The following U2AF2 variants were observed in gnomAD, a reference collection of about 807,000 sequenced individuals.
U2AF2 encodes splicing factor U2AF 65 kDa subunit.
Under a neutral mutation model 52.6 loss-of-function variants are expected in U2AF2, and 6 were observed. The observed-to-expected ratio is 0.11, with a 90% CI of 0.06 to 0.23. The LOEUF (loss-of-function observed/expected upper bound fraction) is 0.23. Among genes scored for constraint, U2AF2 ranks in the 10% least tolerant of loss-of-function variants. The pLI, the probability that U2AF2 is intolerant of heterozygous loss-of-function variation, is 1.00. For synonymous variants in U2AF2, 284 were observed against 258.2 expected (o/e 1.10, Z -0.96); for missense variants, 222 against 677.1 (o/e 0.33, Z 7.46).
chr19:55,668,823 T>C lies in U2AF2; in HGVS notation c.945+31T>C, dbSNP rs1467738568. 1 of 1,595,252 alleles carries C rather than the reference T, an allele frequency of 6.3e-7. No homozygotes were observed. Among genetic ancestry groups the C allele is most frequent in the Admixed American group, 1.7e-5 (1 of 59,426 alleles). ...TCCCCGGTCGCTGGCCGCTGCCGCG[T>C]CTGTCCTTCCCTGCCCTGCGCTGTT... On this transcript the variant is annotated intron_variant, in intron 9 of 11. Transcript: ENST00000308924. This position sits in a 1 kb window ranked among gnomAD's most constrained non-coding sequence, Gnocchi z 5.5.
Position 55,674,076 on chromosome 19 carries a change from T to TG in U2AF2, c.*13dup. ...CGCCGGGACTTCTGGTAGAGGCGGC[T>TG]GGGGGAGGGTGGGGGCAGGGCTGGC... is the stretch of plus-strand genomic sequence containing the variant. On this transcript the variant is annotated 3_prime_UTR_variant, in exon 12 of 12. Coordinates refer to ENST00000308924, the MANE Select transcript of U2AF2 (RefSeq NM_007279.3). 2 of 714,466 alleles carry TG rather than the reference T, an allele frequency of 2.8e-6. No individual in the cohort carries two copies. Among genetic ancestry groups the TG allele is most frequent in the Non-Finnish European group, 4.5e-6 (2 of 447,990 alleles). The allele number at this position is 714,466 out of a possible 1,614,324, so 44.3% of individuals were successfully genotyped here.
intron 5 of U2AF2, 32 bp from the exon 6 acceptor site, chr19:55,662,470 G>GCC (rs371255874): frequency 4.8e-5 from 12 of 250,200 alleles, no homozygotes; most frequent in African/African-American, 2.7e-4. Flanking sequence ...CCCTTCCCCC[G>GCC]CCCCCCCCCT....
intron 11 of U2AF2, among the ~76,000 whole-genome samples, chr19:55,672,912 G>T (rs1435968049): frequency 6.6e-6 from 1 of 151,506 alleles, no homozygotes; most frequent in South Asian, 2.1e-4. Context: ...CAAAGTACTG[G>T]GATTACAGGC....
Position 55,674,345 on chromosome 19 carries a change from G to C in U2AF2, c.*277G>C. Reference sequence around the variant, plus strand: ...GGGAAGGGGTTGGGATGGGGACAGGGTGCACAGCAGGGCGGGGTAGGACCC... The same window carrying C: ...GGGAAGGGGTTGGGATGGGGACAGGCTGCACAGCAGGGCGGGGTAGGACCC... On this transcript the variant is annotated 3_prime_UTR_variant, in exon 12 of 12. Transcript: ENST00000308924. 1 of 415,492 alleles carries C rather than the reference G, an allele frequency of 2.4e-6. No individual in the cohort carries two copies. Among genetic ancestry groups the C allele is most frequent in the Non-Finnish European group, 4.4e-6 (1 of 227,462 alleles). The allele number at this position is 415,492 out of a possible 1,614,324, so 25.7% of individuals were successfully genotyped here. A position where few individuals can be genotyped will look rare whatever the true frequency, so the allele number is the denominator to read the frequency against.
Position 55,674,341 on chromosome 19 carries a change from CAG to C in U2AF2, c.*274_*275del, listed in dbSNP as rs1985152774. 4.6e-6 allele frequency: 2 copies of C among 433,828 alleles called. No homozygotes were observed. The highest frequency in any genetic ancestry group is 8.4e-6 in the Non-Finnish European group (2 of 238,192). The allele number at this position is 433,828 out of a possible 1,614,324, so 26.9% of individuals were successfully genotyped here. ...CAGAGGGAAGGGGTTGGGATGGGGACAGGGTGCACAGCAGGGCGGGGTAGGAC... is the reference window on the plus strand; with the variant it reads ...CAGAGGGAAGGGGTTGGGATGGGGACGGTGCACAGCAGGGCGGGGTAGGAC... On this transcript the variant is annotated 3_prime_UTR_variant, in exon 12 of 12. Coordinates refer to ENST00000308924, the MANE Select transcript of U2AF2 (RefSeq NM_007279.3).
In U2AF2 at chr19:55,655,083, G is replaced by T; in HGVS notation, c.-22G>T. On this transcript the variant is annotated 5_prime_UTR_variant, in exon 1 of 12. Coordinates refer to ENST00000308924, the MANE Select transcript of U2AF2 (RefSeq NM_007279.3). ...GCAAGGCGAGGCGAAAGCTGCACAG[G>T]GCCCTACGCGGCCGCCTCAGCATGT... 3 of 1,605,890 alleles carry T rather than the reference G, an allele frequency of 1.9e-6. No homozygotes were observed. Among genetic ancestry groups the T allele is most frequent in the Non-Finnish European group, 2.5e-6 (3 of 1,177,414 alleles).
chr19:55,666,772 A>C (rs558771584), intron 7 of U2AF2, among the ~76,000 whole-genome samples: 1 of 152,226 alleles, frequency 6.6e-6, no homozygotes, highest in Non-Finnish European at 1.5e-5. Flanking sequence ...GTGTTGCTCA[A>C]GTGAGACGGG....
Position 55,661,111 on chromosome 19 carries a change from G to T in U2AF2, c.408G>T (p.Pro136=). Residue 136 remains proline (P), a synonymous_variant, in exon 5 of 12, where the codon CCG becomes CCT. Coordinates refer to ENST00000308924, the MANE Select transcript of U2AF2 (RefSeq NM_007279.3). The stretch of plus-strand genomic sequence containing the variant: ...ACGGTCTGGCTGTGACCCCAACGCC[G>T]GTGCCCGTGGTCGGGAGCCAGATGA... The part of the protein sequence containing the change: ...TPDGLAVTPT[P]VPVVGSQMTR... The T allele has an allele frequency of 6.2e-7, 1 of 1,612,408 alleles. No homozygotes were observed. The highest frequency in any genetic ancestry group is 8.5e-7 in the Non-Finnish European group (1 of 1,178,888).
At chr19:55,657,986 C>G (rs1390381096) in intron 1 of U2AF2, among the ~76,000 whole-genome samples, 3 of 152,178 alleles carry the variant, frequency 2.0e-5, no homozygotes, top group Non-Finnish European at 4.4e-5. Flanking sequence ...ATATTTGTTG[C>G]TGTTTTTTTC....
chr19:55,656,825 T>G lies in U2AF2; in HGVS notation c.49+1672T>G, dbSNP rs144215185. Among the ~76,000 whole-genome samples, 352 of 152,342 alleles carry G rather than the reference T, an allele frequency of 2.3e-3. 1 individual carries two copies. Among genetic ancestry groups the G allele is most frequent in the African/African-American group, 8.2e-3 (339 of 41,582 alleles). On this transcript the variant is annotated intron_variant, in intron 1 of 11. Coordinates refer to ENST00000308924, the MANE Select transcript of U2AF2 (RefSeq NM_007279.3). The stretch of plus-strand genomic sequence containing the variant: ...GGCTTTGCGTACACTGGGTGTGCAG[T>G]AAGCGATATTTGCAATTGTAAAATT...
At chr19:55,670,449 C>CCCGTGCACCCTGCTGT (rs1568555215) in intron 11 of U2AF2, among the ~76,000 whole-genome samples, 24 of 11,346 alleles carry the variant, frequency 2.1e-3, no homozygotes, top group African/African-American at 5.1e-3. Context: ...ACCCTGCTGT[C>CCCGTGCACCCTGCTGT]CCGTGCACCC....
intron 4 of U2AF2, 82 bp downstream of exon 4, chr19:55,660,701 C>T (rs1449406701): frequency 8.9e-6 from 12 of 1,353,862 alleles, no homozygotes; most frequent in East Asian, 2.3e-5. Context: ...TGCGTGTGTG[C>T]TTGGAGGGGG....
chr19:55,660,980 G>T, intron 4 of U2AF2, 58 bp from the exon 5 acceptor site: 2 of 1,526,324 alleles, frequency 1.3e-6, no homozygotes, highest in Non-Finnish European at 1.8e-6. Flanking sequence ...GTGTGGTGAG[G>T]GGTGGTCACT....
At chr19:55,666,748 G>A (rs1221552063) in intron 7 of U2AF2, among the ~76,000 whole-genome samples, 1 of 152,202 alleles carries the variant, frequency 6.6e-6, no homozygotes, top group African/African-American at 2.4e-5. Context: ...CCCAACTCTT[G>A]TATCCTTGGC....
At position 55,661,048 on chromosome 19, in the gene U2AF2, G is replaced by A. The variant is rs1167546079; in HGVS notation, c.345G>A (p.Gln115=). Residue 115 remains glutamine (Q), a synonymous_variant, in exon 5 of 12, where the codon CAG becomes CAA. Transcript: ENST00000308924. ...MQYKAMQAAG[Q]IPATALLPTM... is the part of the protein sequence containing the mutation. ...TTATTCCCTTTGAAGCTGCGGGTCA[G>A]ATTCCAGCCACTGCTCTTCTCCCCA... 1 of 1,585,218 alleles carries A rather than the reference G, an allele frequency of 6.3e-7. No homozygotes were observed. The highest frequency in any genetic ancestry group is 2.3e-5 in the East Asian group (1 of 43,634).
chr19:55,674,130 C>G lies in U2AF2; in HGVS notation c.*62C>G, dbSNP rs965299867. On this transcript the variant is annotated 3_prime_UTR_variant, in exon 12 of 12. Transcript: ENST00000308924. ...GGGCTTCTCCCCACTCCCGCCCCCC[C>G]CTTATCCCCCTCTGAAGACGATGGG... is the stretch of plus-strand genomic sequence containing the variant. 5.6e-5 allele frequency: 84 copies of G among 1,504,954 alleles called. No individual in the cohort carries two copies. The highest frequency in any genetic ancestry group is 3.9e-4 in the East Asian group (16 of 41,140). The allele number at this position is 1,504,954 out of a possible 1,614,324, so 93.2% of individuals were successfully genotyped here.
At chr19:55,663,999 CA>C (rs1984384220) in intron 7 of U2AF2, 2 of 470,592 alleles carry the variant, frequency 4.2e-6, no homozygotes, top group African/African-American at 2.0e-5. Flanking sequence ...AGGATCAGAC[CA>C]AAGGTGCTGG....
intron 1 of U2AF2, among the ~76,000 whole-genome samples, chr19:55,656,815 G>A (rs637788): frequency 0.95 from 145,412 of 152,270 alleles, 69,541 homozygotes; most frequent in East Asian, 1. Context: ...TGCGTACACT[G>A]GGTGTGCAGT....
intron 1 of U2AF2, among the ~76,000 whole-genome samples, chr19:55,657,191 C>T (rs1238868374): frequency 1.3e-5 from 2 of 152,154 alleles, no homozygotes; most frequent in Non-Finnish European, 2.9e-5. Flanking sequence ...TAGGGCAGTC[C>T]CTGAGACCTG....
Sources: gnomAD v4.1 joint callset for allele counts (sites outside exome capture counted in the v4.1 genomes callset) on GRCh38, gnomAD v4.1.1 for gene constraint, Gnocchi (gnomAD v3.1) non-coding constraint, MANE v1.5 for transcripts, NCBI Gene and HGNC (gene_info 2026-07-23, HGNC 2026-07-21) for gene names.